The following SHISA9 variants were observed in gnomAD, a reference collection of about 807,000 sequenced individuals.
SHISA9 encodes protein shisa-9.
In SHISA9, 13 loss-of-function variants were observed where a neutral mutation model predicts 38.0. That is an observed-to-expected ratio of 0.34 (90% CI 0.22 to 0.54). SHISA9 has a LOEUF of 0.54. Ranked by LOEUF, SHISA9 falls within the 20% of genes least tolerant of loss-of-function variation. SHISA9 has a pLI of 0.91. For synonymous variants in SHISA9, 275 were observed against 242.0 expected (o/e 1.14, Z -1.27); for missense variants, 538 against 575.8 (o/e 0.93, Z 0.67).
intron 2 of SHISA9, among the ~76,000 whole-genome samples, chr16:13,159,442 G>A (rs959691985): frequency 2.0e-5 from 3 of 152,304 alleles, no homozygotes; most frequent in Non-Finnish European, 2.9e-5. Flanking sequence ...GAGCACAGCT[G>A]TTCTCGAGAT....
chr16:13,342,957 C>G, the SHISA9 span, among the ~76,000 whole-genome samples: 1 of 152,176 alleles, frequency 6.6e-6, no homozygotes, highest in Non-Finnish European at 1.5e-5. Flanking sequence ...TGCTTTTCTG[C>G]TCTCAAAGAT....
intron 2 of SHISA9, among the ~76,000 whole-genome samples, chr16:13,192,423 G>T (rs866099861): frequency 2.2e-4 from 34 of 152,036 alleles, no homozygotes; most frequent in African/African-American, 7.5e-4. Context: ...AAATTCTTTA[G>T]TAAGTGGTAT....
chr16:13,425,538 A>G, the SHISA9 span, among the ~76,000 whole-genome samples: 7 of 152,162 alleles, frequency 4.6e-5, no homozygotes, highest in Admixed American at 2.6e-4. Flanking sequence ...CAGGGAGGGA[A>G]GAATGGGGGT....
chr16:13,186,288 CTTTTTTTTTT>C (rs113608898), intron 2 of SHISA9, among the ~76,000 whole-genome samples: 2 of 104,306 alleles, frequency 1.9e-5, no homozygotes, highest in African/African-American at 3.9e-5. Flanking sequence ...CCATCTTAAC[CTTTTTTTTTT>C]TTTTTTTTTT....
chr16:13,162,558 C>T (rs753597160), intron 2 of SHISA9, among the ~76,000 whole-genome samples: 23 of 152,164 alleles, frequency 1.5e-4, no homozygotes, highest in Non-Finnish European at 2.8e-4. Flanking sequence ...AGATTCGAAA[C>T]TCATCCAAAC....
chr16:13,211,452 T>TA lies in SHISA9; in HGVS notation c.848-1792dup, dbSNP rs200881037. Among the ~76,000 whole-genome samples, 201 of 151,542 alleles carry TA rather than the reference T, an allele frequency of 1.3e-3. 3 individuals carry two copies. The highest frequency in any genetic ancestry group is 6.8e-3 in the Middle Eastern group (2 of 294). On this transcript the variant is annotated intron_variant, in intron 3 of 4. Transcript: ENST00000558583. ...ATAATTTTACAATAGTGTGATTGTTTAAAAAAAAAGCATACACTTGGTTAT... is the reference window on the plus strand; with the variant it reads ...ATAATTTTACAATAGTGTGATTGTTTAAAAAAAAAAGCATACACTTGGTTAT...
chr16:13,557,131 A>T, the SHISA9 span, among the ~76,000 whole-genome samples: 1 of 152,210 alleles, frequency 6.6e-6, no homozygotes, highest in Non-Finnish European at 1.5e-5. Context: ...ATGAAGAATA[A>T]GTGAATAAAC....
rs1394193335 is a variant in SHISA9, at chr16:13,096,621, T to C, written c.692-106773T>C. Among the ~76,000 whole-genome samples, 3 of 152,172 alleles carry C rather than the reference T, an allele frequency of 2.0e-5. No homozygotes were observed. In the East Asian group the frequency reaches 5.8e-4, roughly 29 times the overall value. ...GGCCCATTTGGTGGCCTTGTAGTTA[T>C]CCAAAAGCCTTTCACGGTGCCCAAA... On this transcript the variant is annotated intron_variant, in intron 2 of 4. Coordinates refer to ENST00000558583, the MANE Select transcript of SHISA9 (RefSeq NM_001145204.3).
the SHISA9 span, among the ~76,000 whole-genome samples, chr16:13,522,789 G>A: frequency 6.6e-6 from 1 of 152,192 alleles, no homozygotes; most frequent in Non-Finnish European, 1.5e-5. Flanking sequence ...ATTTAGGGCA[G>A]CTAGTTTACA....
At chr16:13,106,255 C>T (rs1284925155) in intron 2 of SHISA9, among the ~76,000 whole-genome samples, 1 of 152,142 alleles carries the variant, frequency 6.6e-6, no homozygotes, top group Non-Finnish European at 1.5e-5. Context: ...ACATCTGCCT[C>T]CCTTGTGCAA....
chr16:13,203,556 G>A lies in SHISA9; in HGVS notation c.847+7G>A, dbSNP rs1264733207. Reference sequence around the variant, plus strand: ...GCCTCCTTAAAGGCAGTCGGTAAGTGCCACCTGATGGATCTTTTTCTCTTT... The same window carrying A: ...GCCTCCTTAAAGGCAGTCGGTAAGTACCACCTGATGGATCTTTTTCTCTTT... On this transcript the variant is annotated splice_region_variant and intron_variant, in intron 3 of 4. Transcript: ENST00000558583. 17 of 1,503,218 alleles carry A rather than the reference G, an allele frequency of 1.1e-5. No individual in the cohort carries two copies. Among genetic ancestry groups the A allele is most frequent in the Non-Finnish European group, 1.5e-5 (17 of 1,124,894 alleles). The allele number at this position is 1,503,218 out of a possible 1,614,324, so 93.1% of individuals were successfully genotyped here. A position where few individuals can be genotyped will look rare whatever the true frequency, so the allele number is the denominator to read the frequency against.
At chr16:13,104,918 T>A (rs1458999559) in intron 2 of SHISA9, among the ~76,000 whole-genome samples, 1 of 152,212 alleles carries the variant, frequency 6.6e-6, no homozygotes, top group Non-Finnish European at 1.5e-5. Context: ...AATTGCTTAA[T>A]AGCTTCCTCT....
chr16:13,059,916 C>T (rs1353518076), intron 2 of SHISA9, among the ~76,000 whole-genome samples: 6 of 152,144 alleles, frequency 3.9e-5, no homozygotes, highest in Admixed American at 3.9e-4. Flanking sequence ...ACACCTTGAT[C>T]TTAGACTTTC....
At chr16:13,438,596 A>G in the SHISA9 span, among the ~76,000 whole-genome samples, 2 of 152,230 alleles carry the variant, frequency 1.3e-5, no homozygotes, top group African/African-American at 4.8e-5. Context: ...AATTAGACAT[A>G]TCATTGTTAT....
chr16:13,432,509 C>T, the SHISA9 span, among the ~76,000 whole-genome samples: 1 of 152,072 alleles, frequency 6.6e-6, no homozygotes, highest in Non-Finnish European at 1.5e-5. Flanking sequence ...GCTCTAGAGT[C>T]ATAGAAAAAA....
At chr16:13,229,202 G>C (rs572642544) in intron 4 of SHISA9, among the ~76,000 whole-genome samples, 1 of 152,334 alleles carries the variant, frequency 6.6e-6, no homozygotes, top group South Asian at 2.1e-4. Flanking sequence ...CAGGAACTAG[G>C]CTGGACATTG....
intron 2 of SHISA9, among the ~76,000 whole-genome samples, chr16:13,024,876 A>G (rs2072901408): frequency 6.6e-6 from 1 of 152,154 alleles, no homozygotes; most frequent in African/African-American, 2.4e-5. Context: ...CTTGCATGAA[A>G]GTAGCCTCTG....
chr16:13,486,941 T>A, the SHISA9 span, among the ~76,000 whole-genome samples: 1 of 152,202 alleles, frequency 6.6e-6, no homozygotes, highest in Non-Finnish European at 1.5e-5. Flanking sequence ...CGACCTCAGG[T>A]GATCCACCTG....
At chr16:13,428,688 G>A in the SHISA9 span, among the ~76,000 whole-genome samples, 1 of 152,112 alleles carries the variant, frequency 6.6e-6, no homozygotes, top group East Asian at 1.9e-4. Context: ...TTGTCTGTTG[G>A]GCTGATGATC....
Sources: allele counts gnomAD v4.1 joint callset (sites outside exome capture counted in the v4.1 genomes callset), GRCh38; gene constraint gnomAD v4.1.1; transcripts MANE v1.5; gene names NCBI Gene and HGNC (gene_info 2026-07-23, HGNC 2026-07-21).